Variants in EML5 observed in about 807,000 individuals in gnomAD.
EML5 encodes the protein echinoderm microtubule-associated protein-like 5.
EML5 carries 120 observed loss-of-function variants against 250.0 expected under a neutral mutation model. The observed-to-expected ratio is 0.48, with a 90% confidence interval of 0.41 to 0.56. EML5 has a LOEUF of 0.56. Among genes scored for constraint, EML5 ranks in the 20% least tolerant of loss-of-function variants. The pLI is 0.00. For missense variants in EML5, 2,006 were observed against 2,437.6 expected, an observed-to-expected ratio of 0.82 and a Z score of 3.73; for synonymous variants, 771 against 806.5, an observed-to-expected ratio of 0.96 and a Z score of 0.75.
chr14:88,779,056 A>G (rs1052729869), intron 1 of EML5, among the ~76,000 whole-genome samples: 1 of 152,220 alleles, frequency 6.6e-6, no homozygotes, highest in African/African-American at 2.4e-5. Flanking sequence ...GCAAGCAACC[A>G]TCAATGTTCA....
chr14:88,616,075 A>T (rs546537085), intron 43 of EML5, 67 bp downstream of exon 43: 1 of 1,518,544 alleles, frequency 6.6e-7, no homozygotes, highest in South Asian at 1.1e-5. Flanking sequence ...AAGCTGTAGG[A>T]GTTGTTGTAT....
chr14:88,735,166 C>G (rs1406606723), intron 7 of EML5, among the ~76,000 whole-genome samples: 1 of 152,114 alleles, frequency 6.6e-6, no homozygotes, highest in African/African-American at 2.4e-5. Flanking sequence ...ATCGTAGTCA[C>G]TTGGAAGGCT....
chr14:88,778,873 C>T (rs1024694568), intron 1 of EML5, among the ~76,000 whole-genome samples: 8 of 152,202 alleles, frequency 5.3e-5, no homozygotes, highest in Non-Finnish European at 7.3e-5. Flanking sequence ...CCCTTTTAAG[C>T]ATATAACAGG....
intron 16 of EML5, 123 bp downstream of exon 16, chr14:88,695,238 T>C (rs572179076): frequency 1.4e-6 from 1 of 690,246 alleles, no homozygotes; most frequent in African/African-American, 1.8e-5. Context: ...TCAATGGTAA[T>C]AAACATGGAA....
At chr14:88,685,179 A>G in intron 19 of EML5, 37 bp from the exon 20 acceptor site, 2 of 1,560,214 alleles carry the variant, frequency 1.3e-6, no homozygotes, top group Non-Finnish European at 1.7e-6. Context: ...TTAGACATAC[A>G]GTTACTATAA....
intron 7 of EML5, among the ~76,000 whole-genome samples, chr14:88,730,327 A>C (rs1006028872): frequency 6.6e-6 from 1 of 152,234 alleles, no homozygotes; most frequent in African/African-American, 2.4e-5. Context: ...ATATCTCATC[A>C]CAGAAGTTAT....
In EML5 at chr14:88,694,309, G is replaced by C. The variant is rs1473441392; in HGVS notation, c.2537C>G (p.Ala846Gly). The change falls in exon 17 of 44, where the codon GCA (alanine) becomes GGA (glycine). Residue 846 changes from alanine (A) to glycine (G), a missense_variant and splice_region_variant. By Grantham distance (60) the Ala-to-Gly change is moderately conservative. Coordinates refer to ENST00000554922, the MANE Select transcript of EML5 (RefSeq NM_183387.3). ...GIKHMKFWRK[A>G]GGGLIGRKGY... ...GTAAAAAAGAAGCACTTTCTTACCT[G>C]CTTTACGCCAAAATTTCATGTGTTT... is the stretch of plus-strand genomic sequence containing the variant. 1 of 1,573,770 alleles carries C rather than the reference G, an allele frequency of 6.4e-7. No individual in the cohort carries two copies. Among genetic ancestry groups the C allele is most frequent in the Non-Finnish European group, 8.6e-7 (1 of 1,158,772 alleles).
intron 1 of EML5, among the ~76,000 whole-genome samples, chr14:88,772,363 T>A (rs1252480493): frequency 6.6e-6 from 1 of 152,190 alleles, no homozygotes; most frequent in Non-Finnish European, 1.5e-5. Context: ...AAAAATAACA[T>A]AAATCTGATC....
chr14:88,694,572 T>C (rs2093033085), intron 16 of EML5, among the ~76,000 whole-genome samples, 165 bp from the exon 17 acceptor site: 1 of 152,194 alleles, frequency 6.6e-6, no homozygotes, highest in African/African-American at 2.4e-5. Flanking sequence ...CATTTTAATA[T>C]GGTAACTCTG....
In EML5 at chr14:88,658,221, A is replaced by G. The variant is rs756581902; in HGVS notation, c.3843T>C (p.Ser1281=). The change falls in exon 26 of 44, where the codon AGT becomes AGC. Residue 1281 remains serine (S), a synonymous_variant. Transcript: ENST00000554922. ...EGYREKRPCD[S]EESDIDSEED... ...CTTCAGAATCAATGTCGGATTCTTC[A>G]CTATCACAAGGCCTTTTTTCTCGAT... The G allele has an allele frequency of 3.7e-6, 6 of 1,613,690 alleles. No homozygotes were observed. Among genetic ancestry groups the G allele is most frequent in the African/African-American group, 1.3e-5 (1 of 74,906 alleles).
At chr14:88,700,815 G>A (rs897416431) in intron 14 of EML5, among the ~76,000 whole-genome samples, 1 of 152,110 alleles carries the variant, frequency 6.6e-6, no homozygotes, top group African/African-American at 2.4e-5. Flanking sequence ...GTGCATCCAA[G>A]ACCCAGTTTG....
At chr14:88,767,149 C>T (rs145086270) in intron 1 of EML5, among the ~76,000 whole-genome samples, 1 of 152,178 alleles carries the variant, frequency 6.6e-6, no homozygotes, top group Admixed American at 6.5e-5. Context: ...TTTCAGCAGA[C>T]AAGCAATCCA....
At chr14:88,644,633 G>A in intron 29 of EML5, 122 bp from the exon 30 acceptor site, 2 of 778,464 alleles carry the variant, frequency 2.6e-6, no homozygotes, top group East Asian at 2.6e-5. Context: ...CCCATTCTGT[G>A]GTCCACTAGA....
chr14:88,616,344 T>A, intron 42 of EML5, 102 bp from the exon 43 acceptor site: 2 of 1,159,972 alleles, frequency 1.7e-6, no homozygotes, highest in South Asian at 1.3e-5. Context: ...GTGGAGAGAG[T>A]AGGGAGTTAG....
intron 40 of EML5, 158 bp downstream of exon 40, chr14:88,618,492 A>T (rs1008498788): frequency 9.2e-7 from 1 of 1,091,766 alleles, no homozygotes; most frequent in African/African-American, 1.6e-5. Context: ...AAAAGCTCTG[A>T]TAAGTGGGGG....
At chr14:88,781,218 T>C (rs1029280329) in intron 1 of EML5, among the ~76,000 whole-genome samples, 2 of 152,210 alleles carry the variant, frequency 1.3e-5, no homozygotes, top group Non-Finnish European at 2.9e-5. Flanking sequence ...TAAATCCTTT[T>C]GTCTCTGACC....
chr14:88,711,251 G>A (rs61986664), intron 10 of EML5, among the ~76,000 whole-genome samples: 35,929 of 150,494 alleles, frequency 0.24, 4,486 homozygotes, highest in East Asian at 0.38. Context: ...ATCTCGAATT[G>A]TAATCCTCAT....
rs1459665288 is a variant in EML5 at position 88,712,428 on chromosome 14, C to A, written c.1500G>T (p.Trp500Cys). The change falls in exon 10 of 44, where the codon TGG becomes TGT. Residue 500 changes from tryptophan (W) to cysteine (C), a missense_variant. This residue lies in a region of EML5 where 1,375 missense variants were observed against 1,590.3 expected (regional missense o/e 0.86). Transcript: ENST00000554922. ...TTACTTCAAGGCCTGAAACACATGT[C>A]CATGAAGCCCAATGAACACCTTTTA... is the stretch of plus-strand genomic sequence containing the variant. ...EEIKGVHWAS[W>C]TCVSGLEVNG... The A allele has an allele frequency of 1.2e-6, 2 of 1,613,506 alleles. No individual in the cohort carries two copies. The highest frequency in any genetic ancestry group is 2.2e-5 in the East Asian group (1 of 44,816).
chr14:88,665,193 G>T, intron 22 of EML5, 144 bp downstream of exon 22: 1 of 831,412 alleles, frequency 1.2e-6, no homozygotes, highest in Non-Finnish European at 1.8e-6. Flanking sequence ...TAACAACAGG[G>T]CTTTTACCTC....
Sources: gnomAD v4.1 joint callset for allele counts (sites outside exome capture counted in the v4.1 genomes callset) on GRCh38, gnomAD v4.1.1 for gene constraint, gnomAD v4.1.1 regional missense constraint, MANE v1.5 for transcripts, NCBI Gene and HGNC (gene_info 2026-07-23, HGNC 2026-07-21) for gene names.